Variants in KASH5 observed in about 807,000 individuals in gnomAD.
The protein encoded by KASH5 is protein KASH5.
A neutral mutation model predicts 84.2 loss-of-function variants in KASH5; 72 were observed. That is an observed-to-expected ratio of 0.85 (90% CI 0.71 to 1.04). The LOEUF is 1.04. KASH5 is among the 50% of genes least tolerant of loss of function. The pLI is 0.00. For synonymous variants in KASH5, 260 were observed against 279.1 expected (o/e 0.93, Z 0.68); for missense variants, 650 against 701.0 (o/e 0.93, Z 0.82).
chr19:49,397,574 C>A, intron 5 of KASH5, 77 bp from the exon 6 acceptor site: 2 of 1,355,288 alleles, frequency 1.5e-6, no homozygotes, highest in Non-Finnish European at 2.1e-6. Context: ...CAGATGGAGT[C>A]CAACCTCAGA....
In KASH5 at chr19:49,414,560, G is replaced by A. The variant is rs1008693029; in HGVS notation, c.1329-391G>A. ...CCCAGCTGGGGGATCTGCTGGGGAA[G>A]TAGTGGCTGAGAAAACCAATCTGAG... On this transcript the variant is annotated intron_variant, in intron 16 of 19. Transcript: ENST00000447857. The surrounding 1 kb of genome is among the most constrained non-coding windows in gnomAD (Gnocchi z 4.5). 3.9e-5 allele frequency among the ~76,000 whole-genome samples: 6 copies of A among 152,108 alleles called. No individual in the cohort carries two copies. Among genetic ancestry groups the A allele is most frequent in the Non-Finnish European group, 8.8e-5 (6 of 67,982 alleles).
At chr19:49,389,245 C>T (rs55689129) in intron 1 of KASH5, among the ~76,000 whole-genome samples, 63,487 of 133,284 alleles carry the variant, frequency 0.48, 15,216 homozygotes, top group South Asian at 0.62. Context: ...TCAAGACCCC[C>T]GAAATCCAGC....
chr19:49,415,029 C>T, intron 17 of KASH5, 33 bp downstream of exon 17: 2 of 1,591,474 alleles, frequency 1.3e-6, no homozygotes, highest in East Asian at 2.3e-5. Flanking sequence ...CCCCAGTCCC[C>T]ATCCACTCCA....
intron 15 of KASH5, among the ~76,000 whole-genome samples, chr19:49,410,676 C>A (rs1226853242): frequency 6.6e-6 from 1 of 151,904 alleles, no homozygotes; most frequent in African/African-American, 2.4e-5. Context: ...TTAGTAGAGA[C>A]GGGGTTTCGC....
At chr19:49,402,743 GC>G (rs1974402764) in intron 9 of KASH5, among the ~76,000 whole-genome samples, 1 of 152,082 alleles carries the variant, frequency 6.6e-6, no homozygotes, top group African/African-American at 2.4e-5. Context: ...TTTCCCTGAA[GC>G]CCCCTGGCAG....
At chr19:49,409,403 C>A in intron 14 of KASH5, 120 bp downstream of exon 14, 1 of 1,068,090 alleles carries the variant, frequency 9.4e-7, no homozygotes, top group Non-Finnish European at 1.4e-6. Flanking sequence ...AGGCTCCTAT[C>A]GCAACCTTAG....
rs150463447 is a variant in KASH5, at chr19:49,409,027, G to A, written c.1054G>A (p.Asp352Asn). Reference sequence around the variant, plus strand: ...GCTGAGTCAGACCTATGAGGGGCCCGATGAGTGAGTGGAATTTCAAGGGGT... The same window carrying A: ...GCTGAGTCAGACCTATGAGGGGCCCAATGAGTGAGTGGAATTTCAAGGGGT... ...EQLSQTYEGP[D>N]ELPEGAQLRR... The change falls in exon 13 of 20, where the codon GAT (aspartate) becomes AAT (asparagine). Residue 352 changes from aspartate (D) to asparagine (N), a missense_variant. By Grantham distance (23) the Asp-to-Asn change is conservative. Coordinates refer to ENST00000447857, the MANE Select transcript of KASH5 (RefSeq NM_144688.5). 674 of 1,591,156 alleles carry A rather than the reference G, an allele frequency of 4.2e-4. 7 individuals carry two copies. The East Asian group carries it at 0.015, about 35-fold the overall frequency.
chr19:49,396,962 G>A lies in KASH5; in HGVS notation c.401-689G>A, dbSNP rs143830118. Among the ~76,000 whole-genome samples the A allele has an allele frequency of 3.8e-4, 57 of 151,998 alleles. No individual in the cohort carries two copies. The East Asian group carries it at 7.7e-3, about 21-fold the overall frequency. ...GGTCCTAGCCGGGACACTGAGTCAG[G>A]AGGATCGCTTGAGCCTGAAAGGTCA... is the stretch of plus-strand genomic sequence containing the variant. On this transcript the variant is annotated intron_variant, in intron 5 of 19. Transcript: ENST00000447857.
chr19:49,393,672 G>A (rs892555726), intron 2 of KASH5: 9 of 121,648 alleles, frequency 7.4e-5, no homozygotes, highest in African/African-American at 2.3e-4. Context: ...TAGACAAATA[G>A]ACCCCAGGAC....
Position 49,416,899 on chromosome 19 carries a change from C to T in KASH5, c.1375-116C>T. 1 of 1,029,114 alleles carries T rather than the reference C, an allele frequency of 9.7e-7. No individual in the cohort carries two copies. Among genetic ancestry groups the T allele is most frequent in the Non-Finnish European group, 1.5e-6 (1 of 681,026 alleles). 63.7% of individuals were successfully genotyped at this position (1,029,114 alleles called of 1,614,324 possible). A position where few individuals can be genotyped will look rare whatever the true frequency, so the allele number is the denominator to read the frequency against. On this transcript the variant is annotated intron_variant, in intron 17 of 19. Coordinates refer to ENST00000447857, the MANE Select transcript of KASH5 (RefSeq NM_144688.5). The surrounding 1 kb of genome is among the most constrained non-coding windows in gnomAD (Gnocchi z 5.4). The stretch of plus-strand genomic sequence containing the variant: ...CCCGACCTGGCAGCAGAAGTGCACT[C>T]ACTTATCTCCTGAGCTCCACCACTT...
rs1055944238 is a variant in KASH5, at chr19:49,395,946, G to A, written c.400+113G>A. The A allele has an allele frequency of 2.5e-6, 2 of 808,758 alleles. No individual in the cohort carries two copies. Among genetic ancestry groups the A allele is most frequent in the Non-Finnish European group, 4.0e-6 (2 of 499,464 alleles). The allele number at this position is 808,758 out of a possible 1,614,324, so 50.1% of individuals were successfully genotyped here. A position where few individuals can be genotyped will look rare whatever the true frequency, so the allele number is the denominator to read the frequency against. On this transcript the variant is annotated intron_variant, in intron 5 of 19. Transcript: ENST00000447857. This position sits in a 1 kb window ranked among gnomAD's most constrained non-coding sequence, Gnocchi z 4.4. ...GTAGGAACCAGGGACCTTTACTGTAGACTAGAGCTGTGAGTGTGGCTTTCT... is the reference window on the plus strand; with the variant it reads ...GTAGGAACCAGGGACCTTTACTGTAAACTAGAGCTGTGAGTGTGGCTTTCT...
At chr19:49,396,216 C>T (rs1974171479) in intron 5 of KASH5, among the ~76,000 whole-genome samples, 1 of 151,768 alleles carries the variant, frequency 6.6e-6, no homozygotes, top group African/African-American at 2.4e-5. Flanking sequence ...CTGTTCCCCT[C>T]CACTCCTTGC....
chr19:49,401,164 G>A (rs932964999), intron 9 of KASH5, among the ~76,000 whole-genome samples: 1 of 152,154 alleles, frequency 6.6e-6, no homozygotes, highest in African/African-American at 2.4e-5. Flanking sequence ...TCTGGGCTGG[G>A]ACTCTTACTC....
chr19:49,390,756 T>C, intron 1 of KASH5, 33 bp from the exon 2 acceptor site: 1 of 1,079,920 alleles, frequency 9.3e-7, no homozygotes, highest in South Asian at 1.8e-5. Context: ...TGGTGGCTGC[T>C]CTGAGGACAC....
chr19:49,398,220 A>T, intron 7 of KASH5, 77 bp downstream of exon 7: 1 of 1,309,718 alleles, frequency 7.6e-7, no homozygotes, highest in South Asian at 1.5e-5. Flanking sequence ...TCTATCTCCC[A>T]TGCTCGTGTC....
At position 49,415,989 on chromosome 19, in the gene KASH5, C is replaced by T. The variant is rs74510673; in HGVS notation, c.1374+993C>T. 2.3e-3 allele frequency among the ~76,000 whole-genome samples: 352 copies of T among 152,170 alleles called. 2 individuals carry two copies. Among genetic ancestry groups the T allele is most frequent in the Non-Finnish European group, 4.1e-3 (282 of 67,982 alleles). On this transcript the variant is annotated intron_variant, in intron 17 of 19. Transcript: ENST00000447857. ...TTCCGGGGAGACATGGGGGATGAGG[C>T]GGTGCAGTGGGTGGGGCCTGGCCCT...
intron 3 of KASH5, 164 bp from the exon 4 acceptor site, chr19:49,394,942 T>C: frequency 1.7e-6 from 1 of 605,388 alleles, no homozygotes; most frequent in East Asian, 2.9e-5. Context: ...GGTGAAAAAG[T>C]GGACTCAGAG....
Position 49,399,166 on chromosome 19 carries a change from A to G in KASH5, c.747+24A>G. 1.3e-6 allele frequency: 2 copies of G among 1,525,792 alleles called. No homozygotes were observed. Among genetic ancestry groups the G allele is most frequent in the Non-Finnish European group, 1.8e-6 (2 of 1,131,470 alleles). The allele number at this position is 1,525,792 out of a possible 1,614,324, so 94.5% of individuals were successfully genotyped here. On this transcript the variant is annotated intron_variant, in intron 8 of 19. Coordinates refer to ENST00000447857, the MANE Select transcript of KASH5 (RefSeq NM_144688.5). The surrounding 1 kb of genome is among the most constrained non-coding windows in gnomAD (Gnocchi z 4.4). The stretch of plus-strand genomic sequence containing the variant: ...CGGTGGGTCTGGCCCAGGGGAAGGA[A>G]GGTGCCCTCTCTCTTCTTTGTTTCC...
chr19:49,399,448 G>T lies in KASH5; in HGVS notation c.748-9G>T, dbSNP rs567169706. ...ATGAAACCTTTGTCCTCTCTCTGGG[G>T]TTGGTCAGGAAAAGGAGCAGCAGCA... On this transcript the variant is annotated splice_polypyrimidine_tract_variant and intron_variant, in intron 8 of 19. Coordinates refer to ENST00000447857, the MANE Select transcript of KASH5 (RefSeq NM_144688.5). This position sits in a 1 kb window ranked among gnomAD's most constrained non-coding sequence, Gnocchi z 4.4. 379 of 1,610,142 alleles carry T rather than the reference G, an allele frequency of 2.4e-4. 1 individual carries two copies. The Admixed American group carries it at 3.3e-3, about 14-fold the overall frequency.
Sources: gnomAD v4.1 joint callset for allele counts (sites outside exome capture counted in the v4.1 genomes callset) on GRCh38, gnomAD v4.1.1 for gene constraint, Gnocchi (gnomAD v3.1) non-coding constraint, MANE v1.5 for transcripts, NCBI Gene and HGNC (gene_info 2026-07-23, HGNC 2026-07-21) for gene names.